Variants in RUSC2 observed in about 807,000 individuals in gnomAD.
RUSC2 encodes AP-4 complex accessory subunit RUSC2.
RUSC2 carries 34 observed loss-of-function variants against 122.2 expected under a neutral mutation model. That is an observed-to-expected ratio of 0.28 (90% CI 0.21 to 0.37). The LOEUF (loss-of-function observed/expected upper bound fraction) is 0.37. Ranked by LOEUF, RUSC2 falls within the 10% of genes least tolerant of loss-of-function variation. The pLI is 1.00. For synonymous variants in RUSC2, 784 were observed against 790.0 expected, an observed-to-expected ratio of 0.99 and a Z score of 0.13; for missense variants, 1,747 against 1,952.4, an observed-to-expected ratio of 0.89 and a Z score of 1.98.
At position 35,546,680 on chromosome 9, in the gene RUSC2, C is replaced by A; in HGVS notation, c.159C>A (p.Thr53=). Residue 53 remains threonine, a synonymous_variant, in exon 2 of 12, where the codon ACC becomes ACA. Coordinates refer to ENST00000361226, the MANE Select transcript of RUSC2 (RefSeq NM_014806.5). This position sits in a 1 kb window ranked among gnomAD's most constrained non-coding sequence, Gnocchi z 4.3. The part of the protein sequence containing the change: ...NPFCPPELGI[T]QPDQDLGQAD... ...TCTGCCCACCTGAGCTGGGCATCAC[C>A]CAGCCCGATCAAGACCTAGGACAAG... 1 of 1,563,536 alleles carries A rather than the reference C, an allele frequency of 6.4e-7. No homozygotes were observed. Among genetic ancestry groups the A allele is most frequent in the South Asian group, 1.2e-5 (1 of 81,254 alleles).
Position 35,556,153 on chromosome 9 carries a change from C to G in RUSC2, c.2842+16C>G. On this transcript the variant is annotated intron_variant, in intron 4 of 11. Transcript: ENST00000361226. ...CGGCTGAATGGTGTGTGAGCAGGGT[C>G]CCCAGTACACCCGGGGCAGGCTCTG... The G allele has an allele frequency of 6.2e-7, 1 of 1,612,372 alleles. No homozygotes were observed. The highest frequency in any genetic ancestry group is 8.5e-7 in the Non-Finnish European group (1 of 1,178,886).
At position 35,560,401 on chromosome 9, in the gene RUSC2, C is replaced by G. The variant is rs1822124830; in HGVS notation, c.3761C>G (p.Ala1254Gly). ...GAGACAGAAGAGGTGGCAGAGGCAG[C>G]CGGGGGCTCAGGGCGTGCCAGGTGG... The part of the protein sequence containing the change: ...EEETEEVAEA[A>G]GGSGRARWAR... The change falls in exon 10 of 12, where the codon GCC (alanine) becomes GGC (glycine). Residue 1254 changes from alanine to glycine, a missense_variant. Coordinates refer to ENST00000361226, the MANE Select transcript of RUSC2 (RefSeq NM_014806.5). 2.5e-6 allele frequency: 4 copies of G among 1,613,908 alleles called. No individual in the cohort carries two copies. Among genetic ancestry groups the G allele is most frequent in the African/African-American group, 2.7e-5 (2 of 74,930 alleles).
In RUSC2 at chr9:35,548,048, C is replaced by A. The variant is rs778755717; in HGVS notation, c.1527C>A (p.Val509=). 1.9e-6 allele frequency: 3 copies of A among 1,613,682 alleles called. No homozygotes were observed. Among genetic ancestry groups the A allele is most frequent in the South Asian group, 1.1e-5 (1 of 91,090 alleles). Residue 509 remains valine, a synonymous_variant, in exon 2 of 12, where the codon GTC becomes GTA. Coordinates refer to ENST00000361226, the MANE Select transcript of RUSC2 (RefSeq NM_014806.5). This position sits in a 1 kb window ranked among gnomAD's most constrained non-coding sequence, Gnocchi z 4.5. ...GCAGCCTGCAGCGCAGCCCTCCTGT[C>A]CGCCTGGGCTCGCTGGAACGTATGT... ...YDRSLQRSPP[V]RLGSLERMLS... is the part of the protein sequence containing the mutation.
chr9:35,503,983 C>T (rs1820865763), intron 1 of RUSC2, among the ~76,000 whole-genome samples: 1 of 152,094 alleles, frequency 6.6e-6, no homozygotes, highest in Non-Finnish European at 1.5e-5. Context: ...CCATGTCGCC[C>T]AGGGTGGTCT....
chr9:35,551,677 T>C (rs561242536), intron 2 of RUSC2, among the ~76,000 whole-genome samples: 1 of 152,198 alleles, frequency 6.6e-6, no homozygotes, highest in African/African-American at 2.4e-5. Context: ...ACAGCTTTTT[T>C]CTAAATCAAA....
chr9:35,556,016 A>C lies in RUSC2; in HGVS notation c.2721A>C (p.Pro907=). ...ACAGGAGGAAGAACCCACTAGGGCCACCTGGTTTGTCAGGGAGCCTAGACC... is the reference window on the plus strand; with the variant it reads ...ACAGGAGGAAGAACCCACTAGGGCCCCCTGGTTTGTCAGGGAGCCTAGACC... The part of the protein sequence containing the change: ...REYRRKNPLG[P]PGLSGSLDRR... The change falls in exon 4 of 12, where the codon CCA becomes CCC. Residue 907 remains proline, a synonymous_variant. Transcript: ENST00000361226. The C allele has an allele frequency of 6.2e-7, 1 of 1,614,180 alleles. No individual in the cohort carries two copies. The highest frequency in any genetic ancestry group is 8.5e-7 in the Non-Finnish European group (1 of 1,180,036).
At position 35,547,131 on chromosome 9, in the gene RUSC2, G is replaced by A; in HGVS notation, c.610G>A (p.Glu204Lys). The A allele has an allele frequency of 6.2e-7, 1 of 1,614,202 alleles. No homozygotes were observed. Among genetic ancestry groups the A allele is most frequent in the South Asian group, 1.1e-5 (1 of 91,080 alleles). ...ELEAETMELD[E>K]CGGPGGSGSG... ...GGAAGCAGAGACTATGGAGCTGGAT[G>A]AGTGTGGGGGACCTGGTGGGAGTGG... Residue 204 changes from glutamate to lysine, a missense_variant, in exon 2 of 12, where the codon GAG (glutamate) becomes AAG (lysine). Coordinates refer to ENST00000361226, the MANE Select transcript of RUSC2 (RefSeq NM_014806.5). This position sits in a 1 kb window ranked among gnomAD's most constrained non-coding sequence, Gnocchi z 4.6.
At chr9:35,494,153 CT>C (rs572343867) in intron 1 of RUSC2, among the ~76,000 whole-genome samples, 268 of 141,998 alleles carry the variant, frequency 1.9e-3, no homozygotes, top group Middle Eastern at 3.6e-3. Context: ...CACTTGTTTT[CT>C]TTTTTTTTTT....
intron 1 of RUSC2, among the ~76,000 whole-genome samples, chr9:35,539,881 C>T (rs952062310): frequency 1.3e-5 from 2 of 152,132 alleles, no homozygotes; most frequent in Admixed American, 6.5e-5. Context: ...TACAGAGGCA[C>T]CTTATCAGGA....
intron 2 of RUSC2, among the ~76,000 whole-genome samples, chr9:35,553,247 A>C (rs1357799918): frequency 6.6e-6 from 1 of 152,154 alleles, no homozygotes; most frequent in Admixed American, 6.5e-5. Flanking sequence ...GGGAGATAAA[A>C]TTTGTATCTC....
At chr9:35,534,452 A>ACG (rs954190426) in intron 1 of RUSC2, among the ~76,000 whole-genome samples, 9 of 150,788 alleles carry the variant, frequency 6.0e-5, no homozygotes, top group South Asian at 2.1e-4. Flanking sequence ...ACACACACAC[A>ACG]CACACAATCC....
In RUSC2 at chr9:35,548,746, C is replaced by T. The variant is rs1022105224; in HGVS notation, c.2014+211C>T. On this transcript the variant is annotated intron_variant, in intron 2 of 11. Coordinates refer to ENST00000361226, the MANE Select transcript of RUSC2 (RefSeq NM_014806.5). This position sits in a 1 kb window ranked among gnomAD's most constrained non-coding sequence, Gnocchi z 4.5. ...ACAGAGGACTCAAAAATACACTGAG[C>T]AGACTGGGTGCAGTGACTCACACCT... is the stretch of plus-strand genomic sequence containing the variant. 2 of 985,086 alleles carry T rather than the reference C, an allele frequency of 2.0e-6. No individual in the cohort carries two copies. Among genetic ancestry groups the T allele is most frequent in the Admixed American group, 6.2e-5 (1 of 16,258 alleles). 61.0% of individuals were successfully genotyped at this position (985,086 alleles called of 1,614,324 possible).
In RUSC2 at chr9:35,547,363, T is replaced by C. The variant is rs1237228156; in HGVS notation, c.842T>C (p.Leu281Pro). The C allele has an allele frequency of 1.2e-6, 2 of 1,614,068 alleles. No individual in the cohort carries two copies. Among genetic ancestry groups the C allele is most frequent in the African/African-American group, 2.7e-5 (2 of 74,928 alleles). Residue 281 changes from leucine to proline, a missense_variant, in exon 2 of 12, where the codon CTG becomes CCG. Coordinates refer to ENST00000361226, the MANE Select transcript of RUSC2 (RefSeq NM_014806.5). This position sits in a 1 kb window ranked among gnomAD's most constrained non-coding sequence, Gnocchi z 4.6. ...TCCTGCAACAGTTCAGATGGTGTGC[T>C]GGTCACCTTCAGCACCCTCTACAAC... ...DSSCNSSDGV[L>P]VTFSTLYNKM...
intron 1 of RUSC2, among the ~76,000 whole-genome samples, chr9:35,517,679 A>G (rs1257823538): frequency 6.6e-6 from 1 of 152,206 alleles, no homozygotes; most frequent in Non-Finnish European, 1.5e-5. Flanking sequence ...GGTGGGGATT[A>G]TAGGCCTGAA....
Position 35,546,583 on chromosome 9 carries a change from A to T in RUSC2, c.62A>T (p.His21Leu). The T allele has an allele frequency of 3.3e-6, 5 of 1,507,298 alleles. No homozygotes were observed. Among genetic ancestry groups the T allele is most frequent in the Non-Finnish European group, 4.4e-6 (5 of 1,129,510 alleles). The allele number at this position is 1,507,298 out of a possible 1,614,324, so 93.4% of individuals were successfully genotyped here. The part of the protein sequence containing the change: ...TLIVHHIPLV[H>L]CQVPDRQCCG... Reference sequence around the variant, plus strand: ...ATCGTTCATCACATCCCCCTGGTGCACTGCCAAGTCCCAGACAGGCAGTGC... The same window carrying T: ...ATCGTTCATCACATCCCCCTGGTGCTCTGCCAAGTCCCAGACAGGCAGTGC... The change falls in exon 2 of 12, where the codon CAC becomes CTC. Residue 21 changes from histidine to leucine, a missense_variant. Coordinates refer to ENST00000361226, the MANE Select transcript of RUSC2 (RefSeq NM_014806.5). This position sits in a 1 kb window ranked among gnomAD's most constrained non-coding sequence, Gnocchi z 4.3.
At position 35,548,282 on chromosome 9, in the gene RUSC2, G is replaced by A. The variant is rs1821813169; in HGVS notation, c.1761G>A (p.Leu587=). The A allele has an allele frequency of 1.2e-6, 2 of 1,613,996 alleles. No homozygotes were observed. Among genetic ancestry groups the A allele is most frequent in the Non-Finnish European group, 1.7e-6 (2 of 1,180,024 alleles). The change falls in exon 2 of 12, where the codon CTG becomes CTA. Residue 587 remains leucine (L), a synonymous_variant. Transcript: ENST00000361226. The surrounding 1 kb of genome is among the most constrained non-coding windows in gnomAD (Gnocchi z 4.5). ...CCCAGCAAGATCGGGGGGCCCCACT[G>A]GATGAGGGCACTTGCTGTAGCCATA... The part of the protein sequence containing the change: ...QEAQQDRGAP[L]DEGTCCSHSL...
intron 9 of RUSC2, 76 bp downstream of exon 9, chr9:35,559,348 T>A (rs1822092012): frequency 4.7e-6 from 6 of 1,275,662 alleles, no homozygotes; most frequent in Non-Finnish European, 6.9e-6. Flanking sequence ...AAGAGCTGTC[T>A]TTTCATTGCT....
Position 35,547,399 on chromosome 9 carries a change from G to C in RUSC2, c.878G>C (p.Gly293Ala), listed in dbSNP as rs1378401564. The C allele has an allele frequency of 6.2e-7, 1 of 1,613,998 alleles. No homozygotes were observed. The highest frequency in any genetic ancestry group is 8.5e-7 in the Non-Finnish European group (1 of 1,180,030). The stretch of plus-strand genomic sequence containing the variant: ...AGCACCCTCTACAACAAGATGCATG[G>C]CACCCCCCGTGCCAATCTCAACTCT... ...TFSTLYNKMH[G>A]TPRANLNSAP... is the part of the protein sequence containing the mutation. Residue 293 changes from glycine to alanine, a missense_variant, in exon 2 of 12, where the codon GGC (glycine) becomes GCC (alanine). Transcript: ENST00000361226. This position sits in a 1 kb window ranked among gnomAD's most constrained non-coding sequence, Gnocchi z 4.6.
Position 35,548,697 on chromosome 9 carries a change from G to A in RUSC2, c.2014+162G>A, listed in dbSNP as rs1821826878. 1.0e-6 allele frequency: 1 copy of A among 985,246 alleles called. No homozygotes were observed. The highest frequency in any genetic ancestry group is 6.2e-5 in the Admixed American group (1 of 16,256). 61.0% of individuals were successfully genotyped at this position (985,246 alleles called of 1,614,324 possible). On this transcript the variant is annotated intron_variant, in intron 2 of 11. Coordinates refer to ENST00000361226, the MANE Select transcript of RUSC2 (RefSeq NM_014806.5). This position sits in a 1 kb window ranked among gnomAD's most constrained non-coding sequence, Gnocchi z 4.5. ...GGCCAGGGCAGGACCCACAGCTACA[G>A]TGGAATAGGCTCACTGGAGAAAGAC... is the stretch of plus-strand genomic sequence containing the variant.
Sources: allele counts gnomAD v4.1 joint callset (sites outside exome capture counted in the v4.1 genomes callset), GRCh38; gene constraint gnomAD v4.1.1; non-coding constraint Gnocchi (gnomAD v3.1); transcripts MANE v1.5; gene names NCBI Gene and HGNC (gene_info 2026-07-23, HGNC 2026-07-21).